Variants in APLF observed in about 807,000 individuals in gnomAD.
APLF encodes the protein aprataxin and PNK-like factor.
Under a neutral mutation model 55.6 loss-of-function variants are expected in APLF, and 61 were observed. The ratio of observed to expected loss-of-function variants is 1.10; its 90% CI spans 0.89 to 1.36. The LOEUF is 1.36. APLF is among the 40% of genes most tolerant of loss of function. The pLI is 0.00. For synonymous variants in APLF, 207 were observed against 214.8 expected, an observed-to-expected ratio of 0.96 and a Z score of 0.32; for missense variants, 611 against 602.5, an observed-to-expected ratio of 1.01 and a Z score of -0.15.
intron 8 of APLF, among the ~76,000 whole-genome samples, chr2:68,561,650 A>G (rs558334577): frequency 7.9e-5 from 12 of 152,170 alleles, no homozygotes; most frequent in African/African-American, 1.9e-4. Context: ...ATTCTGACAT[A>G]TTTTAGTCTT....
rs559920539 is a variant in APLF at position 68,479,226 on chromosome 2, A to G, written c.97-10964A>G. Among the ~76,000 whole-genome samples, 14 of 152,324 alleles carry G rather than the reference A, an allele frequency of 9.2e-5. No individual in the cohort carries two copies. In the South Asian group the frequency reaches 2.9e-3, roughly 32 times the overall value. On this transcript the variant is annotated intron_variant, in intron 1 of 9. Coordinates refer to ENST00000303795, the MANE Select transcript of APLF (RefSeq NM_173545.3). ...GTGTTATGGAAGAGAACCTCCCTAG[A>G]GAGAACATCACGAGTCCCGAAGGAT...
chr2:68,507,188 T>TA (rs1676894688), intron 3 of APLF, among the ~76,000 whole-genome samples: 1 of 151,912 alleles, frequency 6.6e-6, no homozygotes, highest in Non-Finnish European at 1.5e-5. Context: ...ATTCTCTATA[T>TA]ATTTTTGCAT....
intron 1 of APLF, among the ~76,000 whole-genome samples, chr2:68,473,041 G>A (rs1321514731): frequency 6.6e-6 from 1 of 152,032 alleles, no homozygotes; most frequent in African/African-American, 2.4e-5. Context: ...CAAAGTTCAT[G>A]GTTTACACTG....
chr2:68,529,447 G>T lies in APLF; in HGVS notation c.804+3205G>T. On this transcript the variant is annotated intron_variant, in intron 6 of 9. Transcript: ENST00000303795. This position sits in a 1 kb window ranked among gnomAD's most constrained non-coding sequence, Gnocchi z 4.4. ...TGCGGCGGAACCAGGAACAAAATAC[G>T]CTTAGTGAGTTGTCCATTTTGAGCG... is the stretch of plus-strand genomic sequence containing the variant. 3 of 1,168,770 alleles carry T rather than the reference G, an allele frequency of 2.6e-6. No individual in the cohort carries two copies. The highest frequency in any genetic ancestry group is 3.2e-6 in the Non-Finnish European group (3 of 944,992). The allele number at this position is 1,168,770 out of a possible 1,614,324, so 72.4% of individuals were successfully genotyped here.
chr2:68,543,459 A>G (rs547015125), intron 7 of APLF, among the ~76,000 whole-genome samples: 1 of 152,280 alleles, frequency 6.6e-6, no homozygotes, highest in African/African-American at 2.4e-5. Context: ...ACAGTGCTAA[A>G]TGTTGGTGAG....
chr2:68,579,263 T>G lies in APLF; in HGVS notation c.*1241T>G. 1.2e-6 allele frequency: 1 copy of G among 834,860 alleles called. No homozygotes were observed. The highest frequency in any genetic ancestry group is 6.1e-4 in the Middle Eastern group (1 of 1,638). 51.7% of individuals were successfully genotyped at this position (834,860 alleles called of 1,614,324 possible). On this transcript the variant is annotated 3_prime_UTR_variant, in exon 10 of 10. Transcript: ENST00000303795. ...CTGGAACAAGAATAAGATAAACATT[T>G]CTCTAGACTATAACCTATTATTCTG...
chr2:68,496,426 A>G (rs901891876), intron 2 of APLF, among the ~76,000 whole-genome samples: 2 of 151,944 alleles, frequency 1.3e-5, no homozygotes, highest in African/African-American at 4.8e-5. Context: ...TTAGTTGTGC[A>G]CATATCTCTC....
chr2:68,498,926 G>T (rs749598856), intron 2 of APLF, among the ~76,000 whole-genome samples: 5 of 151,848 alleles, frequency 3.3e-5, no homozygotes, highest in Non-Finnish European at 2.9e-5. Flanking sequence ...CCCGAATTGA[G>T]ATTGTTTTTC....
chr2:68,519,481 CA>C, intron 5 of APLF, among the ~76,000 whole-genome samples: 1 of 149,404 alleles, frequency 6.7e-6, no homozygotes, highest in South Asian at 2.1e-4. Context: ...GAGTTATTTG[CA>C]GGGACCAGTT....
chr2:68,571,566 T>C (rs921998455), intron 9 of APLF, among the ~76,000 whole-genome samples: 1 of 152,104 alleles, frequency 6.6e-6, no homozygotes, highest in South Asian at 2.1e-4. Context: ...TTTCCCCATT[T>C]CTTGTTTTTC....
At chr2:68,555,499 G>A (rs1292932315) in intron 8 of APLF, among the ~76,000 whole-genome samples, 1 of 152,016 alleles carries the variant, frequency 6.6e-6, no homozygotes, top group Non-Finnish European at 1.5e-5. Flanking sequence ...AGTAGGCTAA[G>A]GACATGAATA....
chr2:68,469,581 A>G (rs1056916044), intron 1 of APLF, among the ~76,000 whole-genome samples: 2 of 152,210 alleles, frequency 1.3e-5, no homozygotes, highest in African/African-American at 2.4e-5. Context: ...AGAAGTGGTT[A>G]TGAATGACAT....
chr2:68,496,292 A>C (rs1419788531), intron 2 of APLF, among the ~76,000 whole-genome samples: 2 of 151,834 alleles, frequency 1.3e-5, no homozygotes, highest in African/African-American at 4.8e-5. Context: ...TTTAGTGGAG[A>C]TGGGGTTTTG....
At chr2:68,511,902 C>A (rs1669383914) in intron 3 of APLF, among the ~76,000 whole-genome samples, 1 of 151,572 alleles carries the variant, frequency 6.6e-6, no homozygotes. Flanking sequence ...TGATTCTTGC[C>A]ATTGACATTG....
chr2:68,481,897 T>C (rs1204447702), intron 1 of APLF, among the ~76,000 whole-genome samples: 8 of 151,982 alleles, frequency 5.3e-5, no homozygotes, highest in African/African-American at 1.9e-4. Flanking sequence ...GATTTTATTT[T>C]TTATTTTATT....
chr2:68,529,158 T>C lies in APLF; in HGVS notation c.804+2916T>C. On this transcript the variant is annotated intron_variant, in intron 6 of 9. Coordinates refer to ENST00000303795, the MANE Select transcript of APLF (RefSeq NM_173545.3). This position sits in a 1 kb window ranked among gnomAD's most constrained non-coding sequence, Gnocchi z 4.4. ...TTGCGAGCAGACAGCACGGGTTTCT[T>C]CCTTGAGGGGGGGCTCCAGACAACA... The C allele has an allele frequency of 7.7e-7, 1 of 1,304,202 alleles. No homozygotes were observed. The highest frequency in any genetic ancestry group is 1.0e-6 in the Non-Finnish European group (1 of 954,902). 80.8% of individuals were successfully genotyped at this position (1,304,202 alleles called of 1,614,324 possible). A position where few individuals can be genotyped will look rare whatever the true frequency, so the allele number is the denominator to read the frequency against.
intron 5 of APLF, among the ~76,000 whole-genome samples, chr2:68,516,818 A>G (rs1396040271): frequency 7.0e-6 from 1 of 143,650 alleles, no homozygotes; most frequent in Non-Finnish European, 1.5e-5. Flanking sequence ...GTATATATAT[A>G]GAGAGAACAA....
At chr2:68,515,942 G>A (rs1669567268) in intron 5 of APLF, among the ~76,000 whole-genome samples, 1 of 151,634 alleles carries the variant, frequency 6.6e-6, no homozygotes, top group Non-Finnish European at 1.5e-5. Flanking sequence ...AAATGATGGG[G>A]ATCAATAGGC....
At chr2:68,501,117 C>G (rs1161005274) in intron 2 of APLF, among the ~76,000 whole-genome samples, 1 of 152,126 alleles carries the variant, frequency 6.6e-6, no homozygotes, top group Admixed American at 6.6e-5. Flanking sequence ...TGTGTCATCT[C>G]TGTTTTAAAT....
Sources: allele counts gnomAD v4.1 joint callset (sites outside exome capture counted in the v4.1 genomes callset), GRCh38; gene constraint gnomAD v4.1.1; non-coding constraint Gnocchi (gnomAD v3.1); transcripts MANE v1.5; gene names NCBI Gene and HGNC (gene_info 2026-07-23, HGNC 2026-07-21).